DCBLD2: variants seen among roughly 807,000 people sequenced by gnomAD.
DCBLD2 encodes the protein discoidin, CUB and LCCL domain containing 2.
DCBLD2 carries 54 observed loss-of-function variants against 86.8 expected under a neutral mutation model. That is an observed-to-expected ratio of 0.62 (90% CI 0.50 to 0.78). The LOEUF (loss-of-function observed/expected upper bound fraction) is 0.78. Among genes scored for constraint, DCBLD2 ranks in the 30% least tolerant of loss-of-function variants. The pLI is 0.00. For synonymous variants in DCBLD2, 354 were observed against 341.3 expected (o/e 1.04, Z -0.41); for missense variants, 908 against 954.2 (o/e 0.95, Z 0.64).
intron 2 of DCBLD2, among the ~76,000 whole-genome samples, chr3:98,863,111 C>T (rs1440884445): frequency 1.3e-5 from 2 of 152,082 alleles, no homozygotes; most frequent in Admixed American, 1.3e-4. Context: ...TGAGTGAACT[C>T]CCATTCACAA....
chr3:98,797,541 C>T lies in DCBLD2; in HGVS notation c.*1831G>A, dbSNP rs1322134984. On this transcript the variant is annotated 3_prime_UTR_variant, in exon 16 of 16. Coordinates refer to ENST00000326840, the MANE Select transcript of DCBLD2 (RefSeq NM_080927.4). ...GCATTAATATATGTGCTTTCCACAT[C>T]CATATATGTTTTAATAAAAGTCTAC... 1 of 152,482 alleles carries T rather than the reference C, an allele frequency of 6.6e-6. No individual in the cohort carries two copies. Among genetic ancestry groups the T allele is most frequent in the East Asian group, 1.9e-4 (1 of 5,204 alleles). 9.4% of individuals were successfully genotyped at this position (152,482 alleles called of 1,614,324 possible).
intron 2 of DCBLD2, among the ~76,000 whole-genome samples, chr3:98,867,994 G>C (rs1245206046): frequency 1.3e-5 from 2 of 151,844 alleles, no homozygotes; most frequent in Non-Finnish European, 2.9e-5. Flanking sequence ...CAGTAGAGAC[G>C]GGGTTTCACC....
chr3:98,839,088 C>T (rs1022179196), intron 3 of DCBLD2, among the ~76,000 whole-genome samples: 2 of 151,554 alleles, frequency 1.3e-5, no homozygotes, highest in African/African-American at 4.8e-5. Context: ...ACCTTACCCC[C>T]AACCCTGTGC....
chr3:98,828,950 G>C (rs555175494), intron 3 of DCBLD2, among the ~76,000 whole-genome samples: 1 of 152,226 alleles, frequency 6.6e-6, no homozygotes, highest in South Asian at 2.1e-4. Context: ...GAAATGTTTC[G>C]AATAGGCAAA....
Position 98,822,347 on chromosome 3 carries a change from G to A in DCBLD2, c.711C>T (p.Cys237=). ...PHGYRDSSPL[C]MAGVHAGVVS... ...CTACTCCTGCATGCACACCAGCCATGCACAATGGCGAGGACTTAAGGAAGG... is the reference window on the plus strand; with the variant it reads ...CTACTCCTGCATGCACACCAGCCATACACAATGGCGAGGACTTAAGGAAGG... Residue 237 remains cysteine, a synonymous_variant, in exon 6 of 16, where the codon TGC becomes TGT. Transcript: ENST00000326840. 1 of 1,613,296 alleles carries A rather than the reference G, an allele frequency of 6.2e-7. No homozygotes were observed. The highest frequency in any genetic ancestry group is 1.1e-5 in the South Asian group (1 of 90,784).
chr3:98,836,873 C>A (rs868355121), intron 3 of DCBLD2, among the ~76,000 whole-genome samples: 1 of 48,908 alleles, frequency 2.0e-5, no homozygotes, highest in East Asian at 4.3e-4. Flanking sequence ...GGCGGGGGGC[C>A]GACACCCCCA....
intron 3 of DCBLD2, among the ~76,000 whole-genome samples, chr3:98,837,779 G>A (rs1251594531): frequency 2.1e-4 from 23 of 107,774 alleles, no homozygotes; most frequent in East Asian, 1.3e-3. Flanking sequence ...GGGCAGAGGC[G>A]CCCCTCACCT....
chr3:98,831,390 TA>T (rs1157471438), intron 3 of DCBLD2, among the ~76,000 whole-genome samples: 1 of 150,812 alleles, frequency 6.6e-6, no homozygotes, highest in Non-Finnish European at 1.5e-5. Context: ...GGCCTATCAT[TA>T]ATTTTTTTCA....
intron 3 of DCBLD2, among the ~76,000 whole-genome samples, chr3:98,835,556 T>C (rs1200623630): frequency 6.6e-6 from 1 of 151,648 alleles, no homozygotes; most frequent in Admixed American, 6.6e-5. Context: ...TTTTCTTCTT[T>C]TTTTTTTTTT....
At chr3:98,891,048 G>A (rs1387782940) in intron 1 of DCBLD2, among the ~76,000 whole-genome samples, 1 of 152,006 alleles carries the variant, frequency 6.6e-6, no homozygotes. Flanking sequence ...CAAGACCCCT[G>A]TCCTTACAGA....
chr3:98,886,743 A>G (rs766684709), intron 1 of DCBLD2, among the ~76,000 whole-genome samples: 10 of 151,600 alleles, frequency 6.6e-5, no homozygotes, highest in Admixed American at 1.3e-4. Flanking sequence ...CTTCCTCTGA[A>G]GAGTGTAAGG....
intron 2 of DCBLD2, among the ~76,000 whole-genome samples, chr3:98,879,407 G>A (rs1290834573): frequency 3.3e-5 from 5 of 151,724 alleles, no homozygotes; most frequent in East Asian, 1.9e-4. Flanking sequence ...CTTTTTTTGA[G>A]ACGGAGTCTT....
At chr3:98,826,471 T>A (rs1942223281) in intron 3 of DCBLD2, among the ~76,000 whole-genome samples, 1 of 152,376 alleles carries the variant, frequency 6.6e-6, no homozygotes, top group East Asian at 1.9e-4. Context: ...ACAAGTCAAA[T>A]TCCTTTAGCA....
In DCBLD2 at chr3:98,859,197, G is replaced by A. The variant is rs188893514; in HGVS notation, c.434-9599C>T. On this transcript the variant is annotated intron_variant, in intron 2 of 15. Coordinates refer to ENST00000326840, the MANE Select transcript of DCBLD2 (RefSeq NM_080927.4). Reference sequence around the variant, plus strand: ...TGGGGGAGGGGAGCCCACCATTGCTGAGGGTTGAGTAGGTAAACAAAGCGG... The same window carrying A: ...TGGGGGAGGGGAGCCCACCATTGCTAAGGGTTGAGTAGGTAAACAAAGCGG... Among the ~76,000 whole-genome samples the A allele has an allele frequency of 1.5e-3, 221 of 152,318 alleles. 1 individual carries two copies. The highest frequency in any genetic ancestry group is 5.3e-3 in the African/African-American group (219 of 41,572).
intron 1 of DCBLD2, among the ~76,000 whole-genome samples, chr3:98,885,506 T>C (rs557583171): frequency 2.6e-5 from 4 of 152,144 alleles, no homozygotes; most frequent in Admixed American, 6.5e-5. Context: ...AAGTATTTCA[T>C]GACCCCCTAA....
intron 2 of DCBLD2, among the ~76,000 whole-genome samples, chr3:98,875,371 C>A (rs1353161703): frequency 6.6e-6 from 1 of 151,720 alleles, no homozygotes; most frequent in African/African-American, 2.4e-5. Flanking sequence ...GTAAACCCTA[C>A]ATGAGAAAGA....
intron 1 of DCBLD2, among the ~76,000 whole-genome samples, chr3:98,883,196 T>C (rs547550232): frequency 1.3e-5 from 2 of 152,320 alleles, no homozygotes; most frequent in South Asian, 2.1e-4. Context: ...TTTTTTCATA[T>C]GTTTGTTGGC....
Position 98,836,813 on chromosome 3 carries a change from G to A in DCBLD2, c.572-11447C>T, listed in dbSNP as rs1367645956. On this transcript the variant is annotated intron_variant, in intron 3 of 15. Coordinates refer to ENST00000326840, the MANE Select transcript of DCBLD2 (RefSeq NM_080927.4). The stretch of plus-strand genomic sequence containing the variant: ...TCCCTCCCGGACGGGGTGGCTGGCC[G>A]GGCAGGGGGCCGACCCCCCCACCTC... 4.4e-5 allele frequency among the ~76,000 whole-genome samples: 3 copies of A among 67,512 alleles called. 1 individual carries two copies. The highest frequency in any genetic ancestry group is 7.0e-5 in the Non-Finnish European group (2 of 28,508). The allele number at this position is 67,512 out of a possible 152,430, so 44.3% of individuals were successfully genotyped here. A position where few individuals can be genotyped will look rare whatever the true frequency, so the allele number is the denominator to read the frequency against.
intron 2 of DCBLD2, among the ~76,000 whole-genome samples, chr3:98,862,574 T>C (rs536908301): frequency 7.2e-5 from 11 of 152,150 alleles, no homozygotes; most frequent in Middle Eastern, 3.4e-3. Context: ...CATATGCAAA[T>C]CCATAAACGT....
Sources: allele counts gnomAD v4.1 joint callset (sites outside exome capture counted in the v4.1 genomes callset), GRCh38; gene constraint gnomAD v4.1.1; transcripts MANE v1.5; gene names NCBI Gene and HGNC (gene_info 2026-07-23, HGNC 2026-07-21).